The following CSMD1 variants were observed in gnomAD, a reference collection of about 807,000 sequenced individuals.
CSMD1 encodes CUB and Sushi multiple domains 1.
CSMD1 carries 213 observed loss-of-function variants against 417.5 expected under a neutral mutation model. The observed-to-expected ratio is 0.51, with a 90% CI of 0.46 to 0.57. The LOEUF (loss-of-function observed/expected upper bound fraction) is 0.57. CSMD1 is among the 20% of genes least tolerant of loss of function. The probability of loss-of-function intolerance (pLI) is 0.00; values close to 1 mark genes in which losing one functional copy is unlikely to be tolerated. For missense variants in CSMD1, 6,923 were observed against 4,529.7 expected (o/e 1.53, Z -15.17); for synonymous variants, 2,862 against 1,736.8 (o/e 1.65, Z -16.11).
intron 5 of CSMD1, among the ~76,000 whole-genome samples, chr8:3,881,259 T>G (rs1487115483): frequency 4.6e-5 from 1 of 21,940 alleles, no homozygotes; most frequent in Admixed American, 7.9e-4. Context: ...TTTCTTTGTT[T>G]TTTGCTTTTT....
intron 1 of CSMD1, among the ~76,000 whole-genome samples, chr8:4,904,230 T>C (rs557229693): frequency 3.9e-5 from 6 of 152,280 alleles, no homozygotes; most frequent in East Asian, 1.9e-4. Context: ...TTAGGCATCA[T>C]AGAAAGCTCC....
In CSMD1 at chr8:4,554,842, G is replaced by C. The variant is rs1304816454; in HGVS notation, c.302+82500C>G. On this transcript the variant is annotated intron_variant, in intron 2 of 69. Transcript: ENST00000635120. ...GTATTTTCTGAGTAAGCATTGATGG[G>C]GTTAAAAGCTGAAGATAAATAGAAG... Among the ~76,000 whole-genome samples, 4 of 152,136 alleles carry C rather than the reference G, an allele frequency of 2.6e-5. No homozygotes were observed. In the East Asian group the frequency reaches 7.7e-4, roughly 29 times the overall value.
intron 5 of CSMD1, among the ~76,000 whole-genome samples, chr8:3,878,110 C>T (rs1198406561): frequency 1.3e-5 from 2 of 152,116 alleles, no homozygotes; most frequent in African/African-American, 4.8e-5. Context: ...TGTCTTCCTT[C>T]CTCCTTCCCT....
intron 2 of CSMD1, among the ~76,000 whole-genome samples, chr8:4,496,437 C>G (rs908762738): frequency 6.6e-6 from 1 of 152,150 alleles, no homozygotes; most frequent in African/African-American, 2.4e-5. Flanking sequence ...AACATAAAAG[C>G]CTGGACATTC....
intron 11 of CSMD1, among the ~76,000 whole-genome samples, chr8:3,478,033 G>A (rs1025900757): frequency 1.3e-5 from 2 of 152,146 alleles, no homozygotes; most frequent in Non-Finnish European, 2.9e-5. Context: ...ATATACTGAA[G>A]TTACTATCAT....
chr8:3,179,825 A>G (rs1821202453), intron 37 of CSMD1, among the ~76,000 whole-genome samples: 1 of 152,226 alleles, frequency 6.6e-6, no homozygotes, highest in Admixed American at 6.5e-5. Context: ...CATCCACAGT[A>G]TCATTTTATA....
intron 1 of CSMD1, among the ~76,000 whole-genome samples, chr8:4,810,553 A>ATG (rs1227986923): frequency 2.0e-5 from 3 of 152,206 alleles, no homozygotes; most frequent in East Asian, 3.9e-4. Context: ...GCACGCGCGT[A>ATG]TGTGTGTGTA....
At chr8:3,719,132 A>C (rs2129043845) in intron 6 of CSMD1, among the ~76,000 whole-genome samples, 1 of 152,312 alleles carries the variant, frequency 6.6e-6, no homozygotes, top group South Asian at 2.1e-4. Flanking sequence ...GTCCTGTTCT[A>C]TTAACTCGTT....
chr8:4,264,712 C>A (rs536247636), intron 3 of CSMD1, among the ~76,000 whole-genome samples: 11 of 152,158 alleles, frequency 7.2e-5, no homozygotes, highest in African/African-American at 2.4e-4. Context: ...AAAACAAACA[C>A]TGATTAACTG....
Position 2,957,713 on chromosome 8 carries a change from A to T in CSMD1, c.9797T>A (p.Ile3266Lys), listed in dbSNP as rs779013570. 2 of 1,591,502 alleles carry T rather than the reference A, an allele frequency of 1.3e-6. No homozygotes were observed. Among genetic ancestry groups the T allele is most frequent in the South Asian group, 2.3e-5 (2 of 87,184 alleles). ...TCLANLTWSGIQTECIPHACR... is the reference protein window; with the variant it reads ...TCLANLTWSGKQTECIPHACR... ...ACACTTACGTATACATTCGGTCTGT[A>T]TCCCACTCCATGTTAAATTGGCAAG... is the stretch of plus-strand genomic sequence containing the variant. Residue 3266 changes from isoleucine (I) to lysine (K), a missense_variant, in exon 63 of 70, where the codon ATA becomes AAA. Coordinates refer to ENST00000635120, the MANE Select transcript of CSMD1 (RefSeq NM_033225.6).
At chr8:4,345,757 A>C (rs1023760075) in intron 3 of CSMD1, among the ~76,000 whole-genome samples, 1 of 152,112 alleles carries the variant, frequency 6.6e-6, no homozygotes, top group African/African-American at 2.4e-5. Context: ...ATAATGTGCT[A>C]TCATCTCAAC....
intron 2 of CSMD1, among the ~76,000 whole-genome samples, chr8:4,634,698 G>A (rs1265521797): frequency 6.6e-6 from 1 of 152,148 alleles, no homozygotes; most frequent in Non-Finnish European, 1.5e-5. Context: ...AATGGGAAAC[G>A]AATAGCATTA....
In CSMD1 at chr8:4,757,013, G is replaced by C. The variant is rs77964427; in HGVS notation, c.86-119455C>G. On this transcript the variant is annotated intron_variant, in intron 1 of 69. Coordinates refer to ENST00000635120, the MANE Select transcript of CSMD1 (RefSeq NM_033225.6). ...TATAGAATATATTTAGATTTTATTAGTAGACTGTTCTTATACAATATGCAG... is the reference window on the plus strand; with the variant it reads ...TATAGAATATATTTAGATTTTATTACTAGACTGTTCTTATACAATATGCAG... Among the ~76,000 whole-genome samples, 1,234 of 152,308 alleles carry C rather than the reference G, an allele frequency of 8.1e-3. 12 individuals carry two copies. The highest frequency in any genetic ancestry group is 0.028 in the African/African-American group (1,144 of 41,556).
At chr8:4,677,457 C>G (rs1311769576) in intron 1 of CSMD1, among the ~76,000 whole-genome samples, 2 of 152,040 alleles carry the variant, frequency 1.3e-5, no homozygotes, top group Non-Finnish European at 2.9e-5. Flanking sequence ...TTTCAACACA[C>G]TACAATTTAT....
At chr8:4,186,755 G>C (rs1245699415) in intron 3 of CSMD1, among the ~76,000 whole-genome samples, 2 of 151,930 alleles carry the variant, frequency 1.3e-5, no homozygotes, top group Non-Finnish European at 2.9e-5. Context: ...GGGAAGCTGA[G>C]GCGGGTGGAT....
chr8:3,219,513 A>G, intron 28 of CSMD1, 71 bp from the exon 29 acceptor site: 1 of 1,090,390 alleles, frequency 9.2e-7, no homozygotes. Flanking sequence ...TAAGCCTTTG[A>G]GCTCAGAAAG....
At chr8:4,714,195 C>G (rs1050202942) in intron 1 of CSMD1, among the ~76,000 whole-genome samples, 5 of 152,070 alleles carry the variant, frequency 3.3e-5, no homozygotes, top group Admixed American at 3.3e-4. Context: ...ACACCAAGCT[C>G]CACGTCCACC....
At chr8:4,520,904 G>T (rs959594829) in intron 2 of CSMD1, among the ~76,000 whole-genome samples, 1 of 151,826 alleles carries the variant, frequency 6.6e-6, no homozygotes, top group Non-Finnish European at 1.5e-5. Context: ...GAAATATTTT[G>T]GACACATGGG....
intron 2 of CSMD1, among the ~76,000 whole-genome samples, chr8:4,591,151 G>T: frequency 6.6e-6 from 1 of 152,334 alleles, no homozygotes. Context: ...TTCTTCAGTT[G>T]TGTGTTGAGT....
Sources: gnomAD v4.1 joint callset for allele counts (sites outside exome capture counted in the v4.1 genomes callset) on GRCh38, gnomAD v4.1.1 for gene constraint, MANE v1.5 for transcripts, NCBI Gene and HGNC (gene_info 2026-07-23, HGNC 2026-07-21) for gene names.